Variants in MANEA observed in about 807,000 individuals in gnomAD.
The protein encoded by MANEA is mannosidase endo-alpha.
MANEA carries 25 observed loss-of-function variants against 36.8 expected under a neutral mutation model. The ratio of observed to expected loss-of-function variants is 0.68; its 90% CI spans 0.50 to 0.95. The LOEUF (loss-of-function observed/expected upper bound fraction) is 0.95. Among genes scored for constraint, MANEA ranks in the 40% least tolerant of loss-of-function variants. MANEA has a pLI of 0.00. For missense variants in MANEA, 565 were observed against 558.8 expected, an observed-to-expected ratio of 1.01 and a Z score of -0.11; for synonymous variants, 198 against 188.5, an observed-to-expected ratio of 1.05 and a Z score of -0.41.
intron 1 of MANEA, among the ~76,000 whole-genome samples, chr6:95,584,259 G>A (rs191428092): frequency 2.6e-5 from 4 of 152,056 alleles, no homozygotes; most frequent in African/African-American, 7.2e-5. Flanking sequence ...CTGTGGGGTC[G>A]GGCAAAAAGA....
At chr6:95,588,446 T>G (rs905783734) in intron 2 of MANEA, among the ~76,000 whole-genome samples, 1 of 152,042 alleles carries the variant, frequency 6.6e-6, no homozygotes, top group Non-Finnish European at 1.5e-5. Flanking sequence ...AGATTTAGTT[T>G]CTATGTTCTG....
intron 1 of MANEA, among the ~76,000 whole-genome samples, chr6:95,580,552 C>A (rs191630386): frequency 6.6e-6 from 1 of 151,640 alleles, no homozygotes; most frequent in Admixed American, 6.6e-5. Flanking sequence ...GGTGAAACCC[C>A]ATCTCTACTA....
intron 2 of MANEA, 141 bp from the exon 3 acceptor site, chr6:95,596,596 G>A (rs909615631): frequency 5.9e-6 from 3 of 506,350 alleles, no homozygotes. Context: ...ATAGCCATAT[G>A]TATTCTGAAG....
chr6:95,597,713 G>A (rs1038808568), intron 3 of MANEA, among the ~76,000 whole-genome samples: 46 of 151,806 alleles, frequency 3.0e-4, no homozygotes, highest in African/African-American at 1.1e-3. Context: ...GATATAAATA[G>A]CACTGAGATT....
chr6:95,588,728 T>C (rs1769332801), intron 2 of MANEA, among the ~76,000 whole-genome samples: 1 of 151,822 alleles, frequency 6.6e-6, no homozygotes, highest in Non-Finnish European at 1.5e-5. Context: ...TTGAATAGTA[T>C]ACAATGAGGG....
chr6:95,578,920 A>C (rs190456422), intron 1 of MANEA, among the ~76,000 whole-genome samples: 3 of 152,340 alleles, frequency 2.0e-5, no homozygotes, highest in African/African-American at 7.2e-5. Flanking sequence ...AAAGGAAGGC[A>C]GAATAGCATG....
At chr6:95,599,030 C>G (rs1298821328) in intron 3 of MANEA, among the ~76,000 whole-genome samples, 1 of 152,030 alleles carries the variant, frequency 6.6e-6, no homozygotes. Context: ...TCCTTACACA[C>G]AGAATGGTTA....
At chr6:95,601,265 G>T (rs1311711734) in intron 3 of MANEA, among the ~76,000 whole-genome samples, 3 of 152,122 alleles carry the variant, frequency 2.0e-5, no homozygotes, top group Admixed American at 6.5e-5. Flanking sequence ...CACAGCAACG[G>T]AACAATTTTT....
chr6:95,577,962 G>A (rs1452492978), intron 1 of MANEA, among the ~76,000 whole-genome samples: 3 of 152,220 alleles, frequency 2.0e-5, no homozygotes, highest in Non-Finnish European at 4.4e-5. Flanking sequence ...TGTCGCCTCG[G>A]ATTTTCCTTG....
intron 1 of MANEA, among the ~76,000 whole-genome samples, chr6:95,582,258 A>G (rs1197172004): frequency 7.5e-6 from 1 of 133,732 alleles, no homozygotes; most frequent in Non-Finnish European, 1.5e-5. Context: ...ATCTCTGCTC[A>G]CTACAAGCTC....
At position 95,605,874 on chromosome 6, in the gene MANEA, G is replaced by A. The variant is rs559880069; in HGVS notation, c.858G>A (p.Gly286=). The change falls in exon 5 of 5, where the codon GGG becomes GGA. Residue 286 remains glycine, a synonymous_variant. Transcript: ENST00000358812. Reference sequence around the variant, plus strand: ...GGGCCAATCTGTTAACCACCTCAGGGTCTCGGAGTATTCGCAATTCTCCTT... The same window carrying A: ...GGGCCAATCTGTTAACCACCTCAGGATCTCGGAGTATTCGCAATTCTCCTT... ...EKWANLLTTS[G]SRSIRNSPYD... 35 of 1,613,860 alleles carry A rather than the reference G, an allele frequency of 2.2e-5. No individual in the cohort carries two copies. The South Asian group carries it at 3.4e-4, about 16-fold the overall frequency.
Position 95,604,884 on chromosome 6 carries a change from G to T in MANEA, c.712G>T (p.Val238Phe). 1 of 1,440,590 alleles carries T rather than the reference G, an allele frequency of 6.9e-7. No individual in the cohort carries two copies. The highest frequency in any genetic ancestry group is 9.4e-7 in the Non-Finnish European group (1 of 1,059,338). 89.2% of individuals were successfully genotyped at this position (1,440,590 alleles called of 1,614,324 possible). ...AGATGATCAAAACATGTACAAAAATGTCAAGTATATTATAGACAAGTGAGT... is the reference window on the plus strand; with the variant it reads ...AGATGATCAAAACATGTACAAAAATTTCAAGTATATTATAGACAAGTGAGT... ...NRDDQNMYKN[V>F]KYIIDKYGNH... The change falls in exon 4 of 5, where the codon GTC (valine) becomes TTC (phenylalanine). Residue 238 changes from valine to phenylalanine, a missense_variant. Val to Phe is a conservative substitution (Grantham distance 50, BLOSUM62 -1). Transcript: ENST00000358812.
At chr6:95,579,572 C>T (rs1335603837) in intron 1 of MANEA, among the ~76,000 whole-genome samples, 1 of 151,772 alleles carries the variant, frequency 6.6e-6, no homozygotes, top group Non-Finnish European at 1.5e-5. Context: ...TAGAAGAAAA[C>T]AATATATTTT....
chr6:95,589,182 A>G lies in MANEA; in HGVS notation c.544+2199A>G, dbSNP rs529361110. 1.6e-3 allele frequency among the ~76,000 whole-genome samples: 241 copies of G among 152,228 alleles called. 1 individual carries two copies. The highest frequency in any genetic ancestry group is 5.3e-3 in the African/African-American group (222 of 41,568). The stretch of plus-strand genomic sequence containing the variant: ...TAAATATTGAATTATACTCATTGTT[A>G]CCAGGCAGAAAATAATTTGACTGTT... On this transcript the variant is annotated intron_variant, in intron 2 of 4. Transcript: ENST00000358812.
rs781025751 is a variant in MANEA at position 95,586,881 on chromosome 6, G to C, written c.442G>C (p.Asp148His). The change falls in exon 2 of 5, where the codon GAT becomes CAT. Residue 148 changes from aspartate to histidine, a missense_variant. Transcript: ENST00000358812. ...TCCACAAGGGAGACACAACCCTCCA[G>C]ATGACATTGGCTCCAGCTTTTATCC... ...NYPQGRHNPP[D>H]DIGSSFYPEL... 11 of 1,613,496 alleles carry C rather than the reference G, an allele frequency of 6.8e-6. No individual in the cohort carries two copies. Among genetic ancestry groups the C allele is most frequent in the African/African-American group, 2.7e-5 (2 of 74,906 alleles).
intron 3 of MANEA, among the ~76,000 whole-genome samples, chr6:95,602,217 C>T (rs376649604): frequency 6.6e-6 from 1 of 152,166 alleles, no homozygotes; most frequent in African/African-American, 2.4e-5. Flanking sequence ...GCACCTGCTA[C>T]GTGTCAGATA....
At chr6:95,593,972 G>T (rs949035949) in intron 2 of MANEA, among the ~76,000 whole-genome samples, 1 of 152,032 alleles carries the variant, frequency 6.6e-6, no homozygotes, top group Admixed American at 6.6e-5. Flanking sequence ...TGAGGCAGGA[G>T]AATCACTTGA....
At chr6:95,589,655 A>T (rs956223240) in intron 2 of MANEA, among the ~76,000 whole-genome samples, 2 of 152,208 alleles carry the variant, frequency 1.3e-5, no homozygotes, top group South Asian at 4.1e-4. Flanking sequence ...CATGTATTCT[A>T]TCCTCTTGTA....
chr6:95,606,246 GA>G lies in MANEA; in HGVS notation c.1231del (p.Ile411LeufsTer15), dbSNP rs766704643. 2 of 1,613,874 alleles carry G rather than the reference GA, an allele frequency of 1.2e-6. No individual in the cohort carries two copies. Among genetic ancestry groups the G allele is most frequent in the Non-Finnish European group, 1.7e-6 (2 of 1,179,962 alleles). On this transcript the variant is annotated frameshift_variant, in exon 5 of 5. Transcript: ENST00000358812. LOFTEE classifies it high-confidence loss of function. Reference sequence around the variant, plus strand: ...TTAATGAGTGGCATGAAGGAACTCAGATTGAAAAAGCTGTTCCCAAAAGAAC... The same window carrying G: ...TTAATGAGTGGCATGAAGGAACTCAGTTGAAAAAGCTGTTCCCAAAAGAAC... ...SFNEWHEGTQ[I>X]EKAVPKRTSN...
Sources: gnomAD v4.1 joint callset for allele counts (sites outside exome capture counted in the v4.1 genomes callset) on GRCh38, gnomAD v4.1.1 for gene constraint, MANE v1.5 for transcripts, NCBI Gene and HGNC (gene_info 2026-07-23, HGNC 2026-07-21) for gene names.